Variants in LPAR1 observed in about 807,000 individuals in gnomAD.
LPAR1 encodes the protein lysophosphatidic acid receptor 1.
Under a neutral mutation model 23.8 loss-of-function variants are expected in LPAR1, and 5 were observed. The ratio of observed to expected loss-of-function variants is 0.21; its 90% confidence interval spans 0.11 to 0.44. The LOEUF (loss-of-function observed/expected upper bound fraction) is 0.44. Among genes scored for constraint, LPAR1 ranks in the 20% least tolerant of loss-of-function variants. The pLI, the probability that LPAR1 is intolerant of heterozygous loss-of-function variation, is 0.99. For synonymous variants in LPAR1, 160 were observed against 164.7 expected (o/e 0.97, Z 0.22); for missense variants, 311 against 482.8 (o/e 0.64, Z 3.33).
chr9:110,991,401 G>A (rs2139650150), intron 2 of LPAR1, among the ~76,000 whole-genome samples: 1 of 152,202 alleles, frequency 6.6e-6, no homozygotes, highest in South Asian at 2.1e-4. Flanking sequence ...CCTAGTCCTT[G>A]CCTTTTCCTA....
intron 1 of LPAR1, among the ~76,000 whole-genome samples, chr9:111,036,548 G>T (rs571468152): frequency 1.3e-5 from 2 of 151,958 alleles, no homozygotes; most frequent in African/African-American, 4.8e-5. Context: ...CCGGTTTCTC[G>T]CTATTTGGGA....
chr9:110,988,709 G>A (rs2096839154), intron 2 of LPAR1, among the ~76,000 whole-genome samples: 1 of 152,120 alleles, frequency 6.6e-6, no homozygotes, highest in South Asian at 2.1e-4. Flanking sequence ...AAAAGGTGCA[G>A]CCACTGTGAA....
At chr9:110,998,268 G>C (rs1222486555) in intron 2 of LPAR1, among the ~76,000 whole-genome samples, 1 of 152,154 alleles carries the variant, frequency 6.6e-6, no homozygotes. Flanking sequence ...GAAGTGTTCA[G>C]TATTGTTGAT....
intron 2 of LPAR1, among the ~76,000 whole-genome samples, chr9:110,990,581 T>C (rs959442691): frequency 9.9e-5 from 15 of 152,080 alleles, no homozygotes; most frequent in Admixed American, 6.6e-4. Context: ...TATCAAAATT[T>C]GTGGGATGTC....
At chr9:110,919,823 C>T (rs753600359) in intron 5 of LPAR1, among the ~76,000 whole-genome samples, 1 of 152,182 alleles carries the variant, frequency 6.6e-6, no homozygotes, top group Admixed American at 6.5e-5. Flanking sequence ...TTAACCCAGA[C>T]AGCCTGTAAC....
At chr9:110,953,541 T>C (rs1334718421) in intron 4 of LPAR1, among the ~76,000 whole-genome samples, 1 of 151,902 alleles carries the variant, frequency 6.6e-6, no homozygotes, top group African/African-American at 2.4e-5. Context: ...CACATGCCTG[T>C]AATCCCAACT....
At chr9:110,988,682 A>G (rs7872800) in intron 2 of LPAR1, among the ~76,000 whole-genome samples, 39,206 of 152,088 alleles carry the variant, frequency 0.26, 5,565 homozygotes, top group Non-Finnish European at 0.32. Flanking sequence ...ACCCTTATAC[A>G]TTGCTGGTGG....
chr9:111,011,709 C>T (rs1383788251), intron 2 of LPAR1, among the ~76,000 whole-genome samples: 3 of 152,122 alleles, frequency 2.0e-5, no homozygotes, highest in Non-Finnish European at 4.4e-5. Flanking sequence ...CAATATAGTA[C>T]CCTTGCTGGC....
intron 2 of LPAR1, among the ~76,000 whole-genome samples, chr9:111,012,530 G>A (rs1044853733): frequency 3.3e-5 from 5 of 151,774 alleles, no homozygotes; most frequent in African/African-American, 9.7e-5. Context: ...CACAAAAGCA[G>A]AATTGAATCT....
At chr9:110,892,578 C>T (rs917790482) in intron 5 of LPAR1, among the ~76,000 whole-genome samples, 1 of 151,082 alleles carries the variant, frequency 6.6e-6, no homozygotes, top group Non-Finnish European at 1.5e-5. Context: ...GCAGGAGAAT[C>T]GCTTGATTTT....
chr9:110,996,114 G>A (rs1349711851), intron 2 of LPAR1, among the ~76,000 whole-genome samples: 1 of 152,196 alleles, frequency 6.6e-6, no homozygotes, highest in African/African-American at 2.4e-5. Flanking sequence ...TAATGGGCCT[G>A]AAAGATGCTG....
chr9:110,893,909 G>A (rs1205781603), intron 5 of LPAR1, among the ~76,000 whole-genome samples: 1 of 152,152 alleles, frequency 6.6e-6, no homozygotes, highest in Non-Finnish European at 1.5e-5. Flanking sequence ...AAAGAGGAAG[G>A]ACAGACAGTA....
chr9:111,020,294 T>C (rs904178474), intron 2 of LPAR1, among the ~76,000 whole-genome samples: 1 of 152,178 alleles, frequency 6.6e-6, no homozygotes, highest in African/African-American at 2.4e-5. Flanking sequence ...CCTAGAGAAA[T>C]AGTATTCAAC....
chr9:110,952,422 A>G (rs1404898485), intron 4 of LPAR1, among the ~76,000 whole-genome samples: 1 of 152,248 alleles, frequency 6.6e-6, no homozygotes, highest in East Asian at 1.9e-4. Context: ...AAGCAGCTAC[A>G]GCAAAGCACC....
chr9:110,973,804 C>A (rs796482453), intron 2 of LPAR1, among the ~76,000 whole-genome samples: 6 of 152,156 alleles, frequency 3.9e-5, no homozygotes, highest in African/African-American at 1.2e-4. Flanking sequence ...TTTAAAAATT[C>A]GTTTATTTTT....
intron 5 of LPAR1, among the ~76,000 whole-genome samples, chr9:110,919,400 G>A (rs564080648): frequency 5.9e-5 from 9 of 152,244 alleles, no homozygotes; most frequent in East Asian, 5.8e-4. Flanking sequence ...CAACTGGTAC[G>A]CAGACTTCAG....
chr9:110,914,198 C>T (rs1180521317), intron 5 of LPAR1, among the ~76,000 whole-genome samples: 2 of 152,146 alleles, frequency 1.3e-5, no homozygotes, highest in African/African-American at 4.8e-5. Flanking sequence ...CATTTTATCA[C>T]TGTGTACACA....
At chr9:110,971,160 G>A (rs927217853) in intron 4 of LPAR1, among the ~76,000 whole-genome samples, 1 of 151,932 alleles carries the variant, frequency 6.6e-6, no homozygotes, top group African/African-American at 2.4e-5. Context: ...TAAAAATAAA[G>A]TTGGCCAAAA....
At chr9:110,907,420 C>CTT (rs2091506801) in intron 5 of LPAR1, among the ~76,000 whole-genome samples, 1 of 152,060 alleles carries the variant, frequency 6.6e-6, no homozygotes, top group Non-Finnish European at 1.5e-5. Context: ...AGAGAATAAA[C>CTT]TATAAGAATA....
Sources: allele counts gnomAD v4.1 joint callset (sites outside exome capture counted in the v4.1 genomes callset), GRCh38; gene constraint gnomAD v4.1.1; transcripts MANE v1.5; gene names NCBI Gene and HGNC (gene_info 2026-07-23, HGNC 2026-07-21).